Variants in RFX2 observed in about 807,000 individuals in gnomAD.
RFX2 encodes the protein DNA-binding protein RFX2.
A neutral mutation model predicts 87.8 loss-of-function variants in RFX2; 20 were observed. That is an observed-to-expected ratio of 0.23 (90% CI 0.16 to 0.33). The LOEUF (loss-of-function observed/expected upper bound fraction) is 0.33. Among genes scored for constraint, RFX2 ranks in the 10% least tolerant of loss-of-function variants. The pLI is 1.00. For synonymous variants in RFX2, 397 were observed against 431.3 expected, an observed-to-expected ratio of 0.92 and a Z score of 0.98; for missense variants, 767 against 1,012.3, an observed-to-expected ratio of 0.76 and a Z score of 3.29.
rs1042504978 is a variant in RFX2 at position 6,040,478 on chromosome 19, G to A, written c.261-237C>T. 3.3e-5 allele frequency among the ~76,000 whole-genome samples: 5 copies of A among 152,222 alleles called. No homozygotes were observed. The highest frequency in any genetic ancestry group is 5.9e-5 in the Non-Finnish European group (4 of 68,044). On this transcript the variant is annotated intron_variant, in intron 4 of 17. Transcript: ENST00000303657. The surrounding 1 kb of genome is among the most constrained non-coding windows in gnomAD (Gnocchi z 6.1). ...AAAAAGTGACCACTTAAAAATTCTA[G>A]GCCAGGCGTGGTGGCTCACGCCTGT...
At chr19:6,036,275 A>G (rs79130990) in intron 5 of RFX2, among the ~76,000 whole-genome samples, 5,192 of 152,268 alleles carry the variant, frequency 0.034, 319 homozygotes, top group African/African-American at 0.12. Context: ...CGAGGCACTA[A>G]GTGGCTAGGG....
intron 1 of RFX2, among the ~76,000 whole-genome samples, chr19:6,092,930 T>A (rs1015433799): frequency 6.6e-6 from 1 of 151,796 alleles, no homozygotes; most frequent in African/African-American, 2.4e-5. Context: ...GACGGGGACT[T>A]AGGGCAACGG....
chr19:6,098,905 CTTTTTGGG>C (rs1278224725), intron 1 of RFX2, among the ~76,000 whole-genome samples: 1 of 124,858 alleles, frequency 8.0e-6, no homozygotes, highest in Non-Finnish European at 1.6e-5. Flanking sequence ...CCAGGGCTGA[CTTTTTGGG>C]GTGACCCCAA....
chr19:6,007,951 G>A lies in RFX2; in HGVS notation c.1135-149C>T. 1 of 784,694 alleles carries A rather than the reference G, an allele frequency of 1.3e-6. No individual in the cohort carries two copies. The highest frequency in any genetic ancestry group is 2.2e-4 in the Middle Eastern group (1 of 4,474). 48.6% of individuals were successfully genotyped at this position (784,694 alleles called of 1,614,324 possible). On this transcript the variant is annotated intron_variant, in intron 10 of 17. Coordinates refer to ENST00000303657, the MANE Select transcript of RFX2 (RefSeq NM_000635.4). The surrounding 1 kb of genome is among the most constrained non-coding windows in gnomAD (Gnocchi z 8.2). ...ACAGAGAGGAGAGGAGCAGGCGATG[G>A]ACATGGATGCGGAGGGGCTGCTGCT...
intron 1 of RFX2, among the ~76,000 whole-genome samples, chr19:6,067,278 T>G (rs1430914946): frequency 1.3e-5 from 2 of 151,854 alleles, no homozygotes; most frequent in African/African-American, 2.4e-5. Flanking sequence ...AACAGAGGAG[T>G]TGATACCAAA....
chr19:6,007,595 G>A lies in RFX2; in HGVS notation c.1247+95C>T. The stretch of plus-strand genomic sequence containing the variant: ...CAGAGGGGTCTGAACCCTGATTCTT[G>A]GAGAGCTGAGGCTTTCGTTTGTGGG... On this transcript the variant is annotated intron_variant, in intron 11 of 17. Coordinates refer to ENST00000303657, the MANE Select transcript of RFX2 (RefSeq NM_000635.4). This position sits in a 1 kb window ranked among gnomAD's most constrained non-coding sequence, Gnocchi z 8.2. 1.4e-6 allele frequency: 1 copy of A among 724,994 alleles called. No homozygotes were observed. The highest frequency in any genetic ancestry group is 2.4e-6 in the Non-Finnish European group (1 of 413,914). The allele number at this position is 724,994 out of a possible 1,614,324, so 44.9% of individuals were successfully genotyped here.
In RFX2 at chr19:6,020,799, C is replaced by T. The variant is rs549640064; in HGVS notation, c.598-4528G>A. Among the ~76,000 whole-genome samples the T allele has an allele frequency of 1.3e-5, 2 of 152,250 alleles. No homozygotes were observed. Among genetic ancestry groups the T allele is most frequent in the Admixed American group, 1.3e-4 (2 of 15,286 alleles). ...TTGTCTGCTGATATTTGCATTCTTTCTGTGTCAATATCAAACACAAATAAG... is the reference window on the plus strand; with the variant it reads ...TTGTCTGCTGATATTTGCATTCTTTTTGTGTCAATATCAAACACAAATAAG... On this transcript the variant is annotated intron_variant, in intron 6 of 17. Transcript: ENST00000303657. This position sits in a 1 kb window ranked among gnomAD's most constrained non-coding sequence, Gnocchi z 5.3.
Position 5,998,424 on chromosome 19 carries a change from C to T in RFX2, c.1860-1211G>A, listed in dbSNP as rs2086446719. ...TACAAGCCAGGCGGCCCCCAATGCC[C>T]AACTGCCCCGGCTCGAAGTATACTT... On this transcript the variant is annotated intron_variant, in intron 15 of 17. Coordinates refer to ENST00000303657, the MANE Select transcript of RFX2 (RefSeq NM_000635.4). The surrounding 1 kb of genome is among the most constrained non-coding windows in gnomAD (Gnocchi z 4.2). 6.6e-6 allele frequency among the ~76,000 whole-genome samples: 1 copy of T among 152,210 alleles called. No homozygotes were observed. The highest frequency in any genetic ancestry group is 1.5e-5 in the Non-Finnish European group (1 of 68,048).
At chr19:6,053,037 C>A (rs541014684) in intron 1 of RFX2, among the ~76,000 whole-genome samples, 25 of 151,572 alleles carry the variant, frequency 1.6e-4, no homozygotes, top group African/African-American at 5.3e-4. Flanking sequence ...TATAGAAAGA[C>A]AAACAAACTA....
intron 1 of RFX2, among the ~76,000 whole-genome samples, chr19:6,090,051 T>C (rs2087911522): frequency 6.6e-6 from 1 of 152,088 alleles, no homozygotes; most frequent in South Asian, 2.1e-4. Flanking sequence ...AGCCTCAACG[T>C]CCCAGGCTCA....
In RFX2 at chr19:6,016,095, G is replaced by A. The variant is rs2086722835; in HGVS notation, c.774C>T (p.Gly258=). 2.5e-6 allele frequency: 4 copies of A among 1,597,626 alleles called. No homozygotes were observed. The highest frequency in any genetic ancestry group is 3.4e-6 in the Non-Finnish European group (4 of 1,170,480). ...GCTGGGGATCGTCTACCCACCTGGT[G>A]CCCAGCCGCCGCGTTCTCAGCCCCA... The part of the protein sequence containing the change: ...VFMGLRTRRL[G]TRGNSKYHYY... The change falls in exon 7 of 18, where the codon GGC becomes GGT. Residue 258 remains glycine, a synonymous_variant. Transcript: ENST00000303657. The surrounding 1 kb of genome is among the most constrained non-coding windows in gnomAD (Gnocchi z 5.4).
intron 1 of RFX2, among the ~76,000 whole-genome samples, chr19:6,089,091 G>A (rs967180943): frequency 6.6e-6 from 1 of 152,228 alleles, no homozygotes; most frequent in South Asian, 2.1e-4. Context: ...ACAAAAACAG[G>A]CAGTGAGTTG....
At chr19:6,031,824 CT>C (rs1305028121) in intron 5 of RFX2, among the ~76,000 whole-genome samples, 5 of 149,952 alleles carry the variant, frequency 3.3e-5, no homozygotes, top group African/African-American at 1.2e-4. Context: ...CCTCTGCATT[CT>C]TTTTTAAAAA....
In RFX2 at chr19:6,040,561, A is replaced by G. The variant is rs1187025791; in HGVS notation, c.261-320T>C. Among the ~76,000 whole-genome samples the G allele has an allele frequency of 6.6e-6, 1 of 152,146 alleles. No individual in the cohort carries two copies. The highest frequency in any genetic ancestry group is 1.5e-5 in the Non-Finnish European group (1 of 68,014). ...AATTGCTTGAGGTCAGAAGTTTGAG[A>G]CCAGCCTGGGCAACATAGAGAGAAC... On this transcript the variant is annotated intron_variant, in intron 4 of 17. Coordinates refer to ENST00000303657, the MANE Select transcript of RFX2 (RefSeq NM_000635.4). This position sits in a 1 kb window ranked among gnomAD's most constrained non-coding sequence, Gnocchi z 6.1.
At chr19:6,090,780 G>C (rs566084485) in intron 1 of RFX2, among the ~76,000 whole-genome samples, 1 of 152,308 alleles carries the variant, frequency 6.6e-6, no homozygotes, top group East Asian at 1.9e-4. Flanking sequence ...ATCAAGGGAT[G>C]AATGCATAAA....
chr19:6,073,352 C>T (rs1258746718), intron 1 of RFX2: 8 of 1,354,698 alleles, frequency 5.9e-6, no homozygotes, highest in South Asian at 2.3e-5. Flanking sequence ...CAGTGGCTTC[C>T]GGAAGTTCCT....
Position 6,070,496 on chromosome 19 carries a change from G to A in RFX2, c.-8-22992C>T, listed in dbSNP as rs2087591881. 2.6e-5 allele frequency among the ~76,000 whole-genome samples: 4 copies of A among 151,972 alleles called. No homozygotes were observed. In the South Asian group the frequency reaches 8.3e-4, roughly 32 times the overall value. On this transcript the variant is annotated intron_variant, in intron 1 of 17. Transcript: ENST00000303657. ...CCTCCACTCTCAGCAGGGTGGACGG[G>A]CTTGAAGCCACACGATAGGGCCTGG... is the stretch of plus-strand genomic sequence containing the variant.
chr19:6,015,281 A>T (rs1221870292), intron 7 of RFX2, among the ~76,000 whole-genome samples: 1 of 152,012 alleles, frequency 6.6e-6, no homozygotes, highest in Middle Eastern at 3.2e-3. Context: ...TATAAAAATT[A>T]GCCAGGCGTG....
chr19:6,096,658 G>A (rs892215917), intron 1 of RFX2, among the ~76,000 whole-genome samples: 2 of 152,184 alleles, frequency 1.3e-5, no homozygotes, highest in African/African-American at 4.8e-5. Flanking sequence ...ATGTTAGCCA[G>A]GATGGTCTCG....
Sources: allele counts gnomAD v4.1 joint callset (sites outside exome capture counted in the v4.1 genomes callset), GRCh38; gene constraint gnomAD v4.1.1; non-coding constraint Gnocchi (gnomAD v3.1); transcripts MANE v1.5; gene names NCBI Gene and HGNC (gene_info 2026-07-23, HGNC 2026-07-21).